The following GABRB1 variants were observed in gnomAD, a reference collection of about 807,000 sequenced individuals.
The protein encoded by GABRB1 is gamma-aminobutyric acid type A receptor subunit beta1.
In GABRB1, 17 loss-of-function variants were observed where a neutral mutation model predicts 51.6. The ratio of observed to expected loss-of-function variants is 0.33; its 90% CI spans 0.23 to 0.49. The LOEUF is 0.49. Among genes scored for constraint, GABRB1 ranks in the 20% least tolerant of loss-of-function variants. The pLI is 0.99. For missense variants in GABRB1, 410 were observed against 600.6 expected, an observed-to-expected ratio of 0.68 and a Z score of 3.32; for synonymous variants, 247 against 218.9, an observed-to-expected ratio of 1.13 and a Z score of -1.14.
intron 3 of GABRB1, among the ~76,000 whole-genome samples, chr4:47,114,016 T>C (rs1715356383): frequency 6.6e-6 from 1 of 152,194 alleles, no homozygotes; most frequent in Non-Finnish European, 1.5e-5. Context: ...CAGGCCTCAG[T>C]TCCTTCTGCT....
intron 3 of GABRB1, among the ~76,000 whole-genome samples, chr4:47,158,762 T>A (rs1310659779): frequency 6.6e-6 from 1 of 152,112 alleles, no homozygotes; most frequent in Non-Finnish European, 1.5e-5. Context: ...TGAGTCCATC[T>A]GCCTACAAAT....
intron 5 of GABRB1, among the ~76,000 whole-genome samples, chr4:47,368,576 C>T (rs1158298231): frequency 6.6e-6 from 1 of 152,064 alleles, no homozygotes; most frequent in African/African-American, 2.4e-5. Context: ...TGCTCTAGGA[C>T]AATTCTAATT....
At chr4:47,080,069 A>C (rs112926174) in intron 3 of GABRB1, among the ~76,000 whole-genome samples, 43 of 152,296 alleles carry the variant, frequency 2.8e-4, no homozygotes, top group African/African-American at 1.0e-3. Flanking sequence ...TATTTCAAGC[A>C]ATACAGAATG....
intron 1 of GABRB1, among the ~76,000 whole-genome samples, chr4:46,998,601 G>T (rs1048491390): frequency 6.6e-6 from 1 of 151,946 alleles, no homozygotes; most frequent in Non-Finnish European, 1.5e-5. Flanking sequence ...AGGCGTGGTG[G>T]CAGGAGCCTG....
At chr4:47,341,415 G>A (rs963908274) in intron 5 of GABRB1, among the ~76,000 whole-genome samples, 5 of 152,268 alleles carry the variant, frequency 3.3e-5, no homozygotes, top group Admixed American at 1.3e-4. Flanking sequence ...GTATTTTCTA[G>A]CATTGTCTTG....
chr4:47,415,277 A>G (rs1578156550), intron 8 of GABRB1, among the ~76,000 whole-genome samples: 1 of 152,172 alleles, frequency 6.6e-6, no homozygotes, highest in Admixed American at 6.5e-5. Context: ...GCACAGTCCT[A>G]GTTTCACATG....
chr4:47,007,643 T>C (rs142222102), intron 1 of GABRB1, among the ~76,000 whole-genome samples: 2 of 152,156 alleles, frequency 1.3e-5, no homozygotes, highest in East Asian at 3.9e-4. Flanking sequence ...GAATGAAGAA[T>C]GTCAACGAAT....
At chr4:47,003,693 C>T (rs534870806) in intron 1 of GABRB1, among the ~76,000 whole-genome samples, 2 of 152,230 alleles carry the variant, frequency 1.3e-5, no homozygotes, top group Non-Finnish European at 2.9e-5. Flanking sequence ...CTCAGAGAGA[C>T]GACATGATTT....
chr4:47,306,245 A>G (rs535942168), intron 4 of GABRB1, among the ~76,000 whole-genome samples: 1 of 141,906 alleles, frequency 7.0e-6, no homozygotes, highest in South Asian at 2.4e-4. Context: ...AAAATAAATA[A>G]CACAATTGAC....
chr4:47,378,324 G>A (rs531697103), intron 5 of GABRB1, among the ~76,000 whole-genome samples: 3 of 152,224 alleles, frequency 2.0e-5, no homozygotes, highest in African/African-American at 7.2e-5. Flanking sequence ...CTGGCGCGCC[G>A]GCAGGGCCGG....
chr4:47,270,132 C>G, intron 4 of GABRB1, among the ~76,000 whole-genome samples: 1 of 152,160 alleles, frequency 6.6e-6, no homozygotes, highest in African/African-American at 2.4e-5. Context: ...GTGTTGAGGG[C>G]TGTTACAGAT....
chr4:47,273,420 G>A (rs1354109465), intron 4 of GABRB1, among the ~76,000 whole-genome samples: 3 of 152,098 alleles, frequency 2.0e-5, no homozygotes, highest in East Asian at 1.9e-4. Context: ...CAACACATAA[G>A]GAAAGTAAAT....
intron 3 of GABRB1, among the ~76,000 whole-genome samples, chr4:47,040,416 C>T (rs1205445927): frequency 6.6e-6 from 1 of 151,982 alleles, no homozygotes; most frequent in African/African-American, 2.4e-5. Context: ...TATTCAGAAG[C>T]AAATCAGAGG....
Position 47,032,024 on chromosome 4 carries a change from T to C in GABRB1, c.172+19T>C. The C allele has an allele frequency of 6.3e-7, 1 of 1,583,178 alleles. No homozygotes were observed. The highest frequency in any genetic ancestry group is 8.6e-7 in the Non-Finnish European group (1 of 1,157,346). On this transcript the variant is annotated intron_variant, in intron 2 of 8. Coordinates refer to ENST00000295454, the MANE Select transcript of GABRB1 (RefSeq NM_000812.4). ...TTCGGAGGTAACGCTTCATCTTTTTTCAACCTGTAACCCATCCTTAGTTCT... is the reference window on the plus strand; with the variant it reads ...TTCGGAGGTAACGCTTCATCTTTTTCCAACCTGTAACCCATCCTTAGTTCT...
chr4:47,128,337 A>G (rs1411428709), intron 3 of GABRB1, among the ~76,000 whole-genome samples: 3 of 151,900 alleles, frequency 2.0e-5, no homozygotes, highest in Admixed American at 6.6e-5. Flanking sequence ...AGCTTGGAAG[A>G]GAGAATTAAA....
chr4:47,041,918 G>T (rs981644947), intron 3 of GABRB1, among the ~76,000 whole-genome samples: 3 of 151,936 alleles, frequency 2.0e-5, no homozygotes, highest in Non-Finnish European at 2.9e-5. Context: ...TTTCTATGGA[G>T]TCTTTTCTGC....
intron 4 of GABRB1, among the ~76,000 whole-genome samples, chr4:47,244,062 A>G (rs1721646729): frequency 1.3e-5 from 2 of 152,206 alleles, no homozygotes. Flanking sequence ...TGTCCCATCA[A>G]TACCTAGTTT....
chr4:47,008,527 A>G (rs1185431633), intron 1 of GABRB1, among the ~76,000 whole-genome samples: 1 of 148,950 alleles, frequency 6.7e-6, no homozygotes, highest in African/African-American at 2.5e-5. Flanking sequence ...TAGTGGTGTG[A>G]TCTTGGCTCA....
chr4:47,249,476 G>A (rs1471915668), intron 4 of GABRB1, among the ~76,000 whole-genome samples: 7 of 152,058 alleles, frequency 4.6e-5, no homozygotes, highest in Admixed American at 1.3e-4. Context: ...AACAGAATGT[G>A]TATTCTGCAG....
Sources: allele counts gnomAD v4.1 joint callset (sites outside exome capture counted in the v4.1 genomes callset), GRCh38; gene constraint gnomAD v4.1.1; transcripts MANE v1.5; gene names NCBI Gene and HGNC (gene_info 2026-07-23, HGNC 2026-07-21).